The following PHF14 variants were observed in gnomAD, a reference collection of about 807,000 sequenced individuals.
The protein encoded by PHF14 is PHD finger protein 14.
A neutral mutation model predicts 117.9 loss-of-function variants in PHF14; 55 were observed. The observed-to-expected ratio is 0.47, with a 90% confidence interval of 0.38 to 0.58. PHF14 has a LOEUF of 0.58. Ranked by LOEUF, PHF14 falls within the 20% of genes least tolerant of loss-of-function variation. The pLI, the probability that PHF14 is intolerant of heterozygous loss-of-function variation, is 0.00. For synonymous variants in PHF14, 409 were observed against 368.6 expected, an observed-to-expected ratio of 1.11 and a Z score of -1.26; for missense variants, 978 against 1,122.2, an observed-to-expected ratio of 0.87 and a Z score of 1.84.
intron 13 of PHF14, among the ~76,000 whole-genome samples, chr7:11,044,773 G>T (rs1298613879): frequency 6.6e-6 from 1 of 151,952 alleles, no homozygotes; most frequent in Non-Finnish European, 1.5e-5. Context: ...ATTGCATCTG[G>T]ATGGTAGAAA....
chr7:11,124,415 A>G (rs1208100871), intron 17 of PHF14, among the ~76,000 whole-genome samples: 1 of 152,166 alleles, frequency 6.6e-6, no homozygotes, highest in Admixed American at 6.6e-5. Flanking sequence ...ATACAAATAT[A>G]CTTTTAATGT....
intron 16 of PHF14, among the ~76,000 whole-genome samples, chr7:11,088,751 C>T (rs1462437847): frequency 6.6e-6 from 1 of 151,946 alleles, no homozygotes; most frequent in Non-Finnish European, 1.5e-5. Flanking sequence ...ATATATAACT[C>T]CCCAAATTAA....
intron 16 of PHF14, chr7:11,104,139 C>T (rs961318550): frequency 4.1e-6 from 4 of 984,634 alleles, no homozygotes; most frequent in Non-Finnish European, 4.8e-6. Context: ...AACTCTTAGG[C>T]CTTGTTTTGG....
intron 16 of PHF14, among the ~76,000 whole-genome samples, chr7:11,099,407 A>G (rs1787003155): frequency 6.6e-6 from 1 of 152,154 alleles, no homozygotes. Context: ...GTATTTAAAG[A>G]AAACAGAAGC....
chr7:11,055,656 A>C (rs1784991361), intron 14 of PHF14, among the ~76,000 whole-genome samples: 2 of 152,288 alleles, frequency 1.3e-5, no homozygotes, highest in African/African-American at 4.8e-5. Context: ...CGCACTTAAC[A>C]ATGTGAGCCA....
chr7:11,075,588 T>TA (rs1562453136), intron 16 of PHF14, among the ~76,000 whole-genome samples: 2 of 103,820 alleles, frequency 1.9e-5, no homozygotes, highest in Non-Finnish European at 4.1e-5. Context: ...TTTTTTTTTT[T>TA]TTATTATTAT....
At chr7:11,042,201 T>G (rs1274414127) in intron 12 of PHF14, among the ~76,000 whole-genome samples, 1 of 152,000 alleles carries the variant, frequency 6.6e-6, no homozygotes, top group African/African-American at 2.4e-5. Flanking sequence ...ACTTGCAGTA[T>G]ATCTACATGT....
chr7:11,034,407 A>G (rs1784237062), intron 7 of PHF14, among the ~76,000 whole-genome samples: 1 of 152,006 alleles, frequency 6.6e-6, no homozygotes, highest in Non-Finnish European at 1.5e-5. Context: ...TCTTTTTTGT[A>G]CACTACTTTT....
At chr7:11,010,815 A>G (rs549539955) in intron 4 of PHF14, among the ~76,000 whole-genome samples, 1 of 152,070 alleles carries the variant, frequency 6.6e-6, no homozygotes, top group Non-Finnish European at 1.5e-5. Context: ...ATGCTTGGCT[A>G]AACTCTTTTT....
intron 16 of PHF14, among the ~76,000 whole-genome samples, chr7:11,075,563 G>GTTTTTTTT (rs1562453016): frequency 7.7e-5 from 8 of 104,532 alleles, no homozygotes; most frequent in African/African-American, 3.3e-4. Flanking sequence ...GAAGGAAAGA[G>GTTTTTTTT]GTTTTTTTTT....
At chr7:10,988,331 A>G (rs1002710911) in intron 3 of PHF14, among the ~76,000 whole-genome samples, 2 of 152,176 alleles carry the variant, frequency 1.3e-5, no homozygotes, top group African/African-American at 4.8e-5. Context: ...AAAATGGAAA[A>G]ATAGGAAAAT....
In PHF14 at chr7:11,166,329, GA is replaced by G. The variant is rs560519675; in HGVS notation, c.2773-3076del. On this transcript the variant is annotated intron_variant, in intron 17 of 17. Coordinates refer to ENST00000634607, the MANE Select transcript of PHF14 (RefSeq NM_001007157.2). ...AACAGATGTCTTATCTCAGCAGAGA[GA>G]AAAAAAAAAACCCTCCTGTATATCA... Among the ~76,000 whole-genome samples the G allele has an allele frequency of 5.8e-4, 83 of 141,984 alleles. 1 individual carries two copies. Among genetic ancestry groups the G allele is most frequent in the Admixed American group, 2.7e-3 (38 of 14,298 alleles). 93.1% of individuals were successfully genotyped at this position (141,984 alleles called of 152,430 possible).
chr7:11,076,826 C>G (rs1205230006), intron 16 of PHF14, among the ~76,000 whole-genome samples: 1 of 150,968 alleles, frequency 6.6e-6, no homozygotes, highest in Non-Finnish European at 1.5e-5. Context: ...CCTTGGCCTC[C>G]CAAAGTGCTG....
chr7:11,031,143 A>G (rs1265250837), intron 7 of PHF14, among the ~76,000 whole-genome samples: 3 of 152,136 alleles, frequency 2.0e-5, no homozygotes, highest in South Asian at 2.1e-4. Context: ...TCAAAAGACT[A>G]TATCAAGTTG....
intron 16 of PHF14, among the ~76,000 whole-genome samples, chr7:11,099,621 A>G (rs977153471): frequency 6.6e-6 from 1 of 152,098 alleles, no homozygotes; most frequent in Non-Finnish European, 1.5e-5. Context: ...GGGAAGGATT[A>G]TATGTTATAT....
At chr7:11,111,606 G>A in intron 17 of PHF14, 139 bp downstream of exon 17, 1 of 511,710 alleles carries the variant, frequency 2.0e-6, no homozygotes, top group Non-Finnish European at 3.5e-6. Flanking sequence ...AGAATATATT[G>A]CTATGGTTAT....
chr7:11,165,973 CT>C (rs1233748712), intron 17 of PHF14, among the ~76,000 whole-genome samples: 1 of 152,174 alleles, frequency 6.6e-6, no homozygotes, highest in African/African-American at 2.4e-5. Flanking sequence ...ACCATTCTCA[CT>C]ACAATTCTGT....
Position 11,152,750 on chromosome 7 carries a change from A to G in PHF14, c.2773-16666A>G, listed in dbSNP as rs377320596. 3.9e-5 allele frequency among the ~76,000 whole-genome samples: 6 copies of G among 152,190 alleles called. No homozygotes were observed. In the South Asian group the frequency reaches 1.2e-3, roughly 31 times the overall value. ...AGTGGATGTTCATTTTATTGTAATA[A>G]ATGTTATGGAAAACAATCTGAGTGA... On this transcript the variant is annotated intron_variant, in intron 17 of 17. Transcript: ENST00000634607.
intron 6 of PHF14, among the ~76,000 whole-genome samples, chr7:11,028,432 T>C (rs1045872808): frequency 1.3e-5 from 2 of 152,208 alleles, no homozygotes; most frequent in African/African-American, 4.8e-5. Context: ...TCAAATAATT[T>C]TAATTATGGT....
Sources: allele counts gnomAD v4.1 joint callset (sites outside exome capture counted in the v4.1 genomes callset), GRCh38; gene constraint gnomAD v4.1.1; transcripts MANE v1.5; gene names NCBI Gene and HGNC (gene_info 2026-07-23, HGNC 2026-07-21).